Variants in KIRREL3 observed in about 807,000 individuals in gnomAD.
KIRREL3 encodes the protein kin of IRRE-like protein 3.
KIRREL3 carries 36 observed loss-of-function variants against 89.7 expected under a neutral mutation model. The observed-to-expected ratio is 0.40, with a 90% CI of 0.31 to 0.53. The LOEUF is 0.53. KIRREL3 is among the 20% of genes least tolerant of loss of function. The pLI is 0.49. For missense variants in KIRREL3, 864 were observed against 1,056.6 expected, an observed-to-expected ratio of 0.82 and a Z score of 2.53; for synonymous variants, 445 against 441.4, an observed-to-expected ratio of 1.01 and a Z score of -0.10.
chr11:126,567,030 G>A (rs1198561692), intron 1 of KIRREL3, among the ~76,000 whole-genome samples: 3 of 152,192 alleles, frequency 2.0e-5, no homozygotes, highest in Non-Finnish European at 4.4e-5. Context: ...AGCTGCAGAT[G>A]CTGCAAATCA....
chr11:126,746,568 C>A, intron 1 of KIRREL3, among the ~76,000 whole-genome samples: 1 of 152,132 alleles, frequency 6.6e-6, no homozygotes, highest in Non-Finnish European at 1.5e-5. Context: ...CCTCAACCTC[C>A]TTACATTGAC....
rs759020177 is a variant in KIRREL3, at chr11:126,558,065, G to A, written c.133+4770C>T. Among the ~76,000 whole-genome samples the A allele has an allele frequency of 2.0e-5, 3 of 152,168 alleles. No individual in the cohort carries two copies. The highest frequency in any genetic ancestry group is 6.5e-5 in the Admixed American group (1 of 15,280). The stretch of plus-strand genomic sequence containing the variant: ...CATCATTGCAATGCTGAAAGTCCAC[G>A]GAAACCGACACCCACCCTGATGGGC... On this transcript the variant is annotated intron_variant, in intron 2 of 16. Coordinates refer to ENST00000525144, the MANE Select transcript of KIRREL3 (RefSeq NM_032531.4). The surrounding 1 kb of genome is among the most constrained non-coding windows in gnomAD (Gnocchi z 4.0).
chr11:126,556,217 G>A (rs1338145764), intron 2 of KIRREL3, among the ~76,000 whole-genome samples: 2 of 152,200 alleles, frequency 1.3e-5, no homozygotes, highest in Non-Finnish European at 2.9e-5. Context: ...CCAGGGGAGA[G>A]AGGCTGGGGA....
At position 126,970,951 on chromosome 11, in the gene KIRREL3, C is replaced by T. The variant is rs956153765; in HGVS notation, c.55+29504G>A. ...TGGCTTCTCCCCCACCCACCAGTCTCCCTTACAGTAGCTGCGAGGTGCACA... is the reference window on the plus strand; with the variant it reads ...TGGCTTCTCCCCCACCCACCAGTCTTCCTTACAGTAGCTGCGAGGTGCACA... On this transcript the variant is annotated intron_variant, in intron 1 of 16. Transcript: ENST00000525144. The surrounding 1 kb of genome is among the most constrained non-coding windows in gnomAD (Gnocchi z 4.4). Among the ~76,000 whole-genome samples the T allele has an allele frequency of 2.0e-5, 3 of 152,182 alleles. No homozygotes were observed. Among genetic ancestry groups the T allele is most frequent in the Non-Finnish European group, 4.4e-5 (3 of 68,038 alleles).
intron 1 of KIRREL3, among the ~76,000 whole-genome samples, chr11:126,938,397 T>C (rs914320964): frequency 2.0e-5 from 3 of 152,318 alleles, no homozygotes; most frequent in African/African-American, 7.2e-5. Flanking sequence ...AGGCTGAGTG[T>C]TACTATCTCT....
At chr11:126,882,994 C>T (rs181934669) in intron 1 of KIRREL3, among the ~76,000 whole-genome samples, 20 of 152,318 alleles carry the variant, frequency 1.3e-4, no homozygotes, top group Admixed American at 8.5e-4. Flanking sequence ...TGCTGAGCCC[C>T]TCTGCCAGTA....
rs1311161887 is a variant in KIRREL3 at position 126,428,132 on chromosome 11, A to G, written c.1806+1047T>C. Reference sequence around the variant, plus strand: ...ATTTCTTGAGCACTTATTGTGTTCCATGGGCTTCAAGCCCTTCTGAGTTTT... The same window carrying G: ...ATTTCTTGAGCACTTATTGTGTTCCGTGGGCTTCAAGCCCTTCTGAGTTTT... On this transcript the variant is annotated intron_variant, in intron 15 of 16. Transcript: ENST00000525144. This position sits in a 1 kb window ranked among gnomAD's most constrained non-coding sequence, Gnocchi z 6.4. 6.6e-6 allele frequency among the ~76,000 whole-genome samples: 1 copy of G among 152,212 alleles called. No homozygotes were observed. The highest frequency in any genetic ancestry group is 1.5e-5 in the Non-Finnish European group (1 of 68,038).
At position 126,989,071 on chromosome 11, in the gene KIRREL3, T is replaced by C. The variant is rs1482566918; in HGVS notation, c.55+11384A>G. Reference sequence around the variant, plus strand: ...GGTCAAACACCTCGTTGGTATAACATCTTTTAATTTGAGGAGGAGCTCAGT... The same window carrying C: ...GGTCAAACACCTCGTTGGTATAACACCTTTTAATTTGAGGAGGAGCTCAGT... On this transcript the variant is annotated intron_variant, in intron 1 of 16. Transcript: ENST00000525144. The surrounding 1 kb of genome is among the most constrained non-coding windows in gnomAD (Gnocchi z 6.2). Among the ~76,000 whole-genome samples the C allele has an allele frequency of 6.6e-6, 1 of 152,160 alleles. No individual in the cohort carries two copies. Among genetic ancestry groups the C allele is most frequent in the African/African-American group, 2.4e-5 (1 of 41,440 alleles).
rs140648740 is a variant in KIRREL3, at chr11:126,581,522, T to A, written c.56-18610A>T. Among the ~76,000 whole-genome samples the A allele has an allele frequency of 7.9e-5, 12 of 152,338 alleles. No homozygotes were observed. The East Asian group carries it at 2.3e-3, about 29-fold the overall frequency. The stretch of plus-strand genomic sequence containing the variant: ...TGGCCTATATTCAATTTTAAAACTT[T>A]CATTTATTTTTAAAATTGAAACTAA... On this transcript the variant is annotated intron_variant, in intron 1 of 16. Coordinates refer to ENST00000525144, the MANE Select transcript of KIRREL3 (RefSeq NM_032531.4).
At chr11:126,532,682 AT>A (rs1797226542) in intron 2 of KIRREL3, among the ~76,000 whole-genome samples, 1 of 146,828 alleles carries the variant, frequency 6.8e-6, no homozygotes, top group Admixed American at 6.8e-5. Flanking sequence ...GGCCCAGATG[AT>A]CTAAAGGGAG....
chr11:126,659,226 T>C (rs541050848), intron 1 of KIRREL3, among the ~76,000 whole-genome samples: 30 of 152,332 alleles, frequency 2.0e-4, no homozygotes, highest in Admixed American at 1.8e-3. Flanking sequence ...TTTTTTCTCT[T>C]ATTTTAAAAC....
rs1242923110 is a variant in KIRREL3, at chr11:126,906,603, T to C, written c.55+93852A>G. Among the ~76,000 whole-genome samples, 1 of 131,038 alleles carries C rather than the reference T, an allele frequency of 7.6e-6. No individual in the cohort carries two copies. Among genetic ancestry groups the C allele is most frequent in the Non-Finnish European group, 1.7e-5 (1 of 60,032 alleles). 86.0% of individuals were successfully genotyped at this position (131,038 alleles called of 152,430 possible). On this transcript the variant is annotated intron_variant, in intron 1 of 16. Coordinates refer to ENST00000525144, the MANE Select transcript of KIRREL3 (RefSeq NM_032531.4). This position sits in a 1 kb window ranked among gnomAD's most constrained non-coding sequence, Gnocchi z 4.1. ...TTTTTGTTTTTGTTTTTGCTTCAGATCTCCTTTCCTTTCACTGTTTTTTTT... is the reference window on the plus strand; with the variant it reads ...TTTTTGTTTTTGTTTTTGCTTCAGACCTCCTTTCCTTTCACTGTTTTTTTT...
In KIRREL3 at chr11:126,769,708, T is replaced by A. The variant is rs1452082590; in HGVS notation, c.56-206796A>T. 6.6e-6 allele frequency among the ~76,000 whole-genome samples: 1 copy of A among 152,186 alleles called. No homozygotes were observed. The highest frequency in any genetic ancestry group is 1.5e-5 in the Non-Finnish European group (1 of 68,040). ...CAAGCAAGCAGACATTTGTCCTTGG[T>A]GAGCTCACATCTTATAGCTTCCAGG... On this transcript the variant is annotated intron_variant, in intron 1 of 16. Coordinates refer to ENST00000525144, the MANE Select transcript of KIRREL3 (RefSeq NM_032531.4). This position sits in a 1 kb window ranked among gnomAD's most constrained non-coding sequence, Gnocchi z 4.3.
In KIRREL3 at chr11:126,446,796, G is replaced by T; in HGVS notation, c.1088C>A (p.Ser363Tyr). 1 of 1,602,686 alleles carries T rather than the reference G, an allele frequency of 6.2e-7. No individual in the cohort carries two copies. Among genetic ancestry groups the T allele is most frequent in the Non-Finnish European group, 8.5e-7 (1 of 1,174,862 alleles). The change falls in exon 9 of 17, where the codon TCC becomes TAC. Residue 363 changes from serine to tyrosine, a missense_variant. Physicochemically the swap from Ser to Tyr is moderately radical, Grantham distance 144 (BLOSUM62 -2). Coordinates refer to ENST00000525144, the MANE Select transcript of KIRREL3 (RefSeq NM_032531.4). ...CCGCTTCATCCAGACGATGGTCAGG[G>T]ATGGGTTGCCGGTCCAGGCGCAGCT... ...IFSCAWTGNP[S>Y]LTIVWMKRGS...
Position 126,576,137 on chromosome 11 carries a change from T to C in KIRREL3, c.56-13225A>G, listed in dbSNP as rs961352847. 7.2e-5 allele frequency among the ~76,000 whole-genome samples: 11 copies of C among 152,218 alleles called. No homozygotes were observed. Among genetic ancestry groups the C allele is most frequent in the African/African-American group, 2.7e-4 (11 of 41,442 alleles). ...TGATCTACTCTAATGTTCAACAGAT[T>C]AATATTTGATTTAGCACTGTGTGTC... On this transcript the variant is annotated intron_variant, in intron 1 of 16. Coordinates refer to ENST00000525144, the MANE Select transcript of KIRREL3 (RefSeq NM_032531.4). This position sits in a 1 kb window ranked among gnomAD's most constrained non-coding sequence, Gnocchi z 5.4.
intron 10 of KIRREL3, 156 bp from the exon 11 acceptor site, chr11:126,440,705 C>G (rs543961010): frequency 4.3e-6 from 3 of 702,932 alleles, no homozygotes; most frequent in South Asian, 3.2e-5. Flanking sequence ...GTAGAGGACT[C>G]AGAGATAAAT....
At chr11:126,823,656 A>G (rs4280010) in intron 1 of KIRREL3, among the ~76,000 whole-genome samples, 131,736 of 152,206 alleles carry the variant, frequency 0.87, 57,386 homozygotes, top group East Asian at 1. Context: ...ATAAATAGGG[A>G]GAAATCAGTC....
Position 126,931,347 on chromosome 11 carries a change from T to C in KIRREL3, c.55+69108A>G, listed in dbSNP as rs1226372947. On this transcript the variant is annotated intron_variant, in intron 1 of 16. Transcript: ENST00000525144. This position sits in a 1 kb window ranked among gnomAD's most constrained non-coding sequence, Gnocchi z 5.1. ...CTATTACCTGCCTTTCCTCCCTCCC[T>C]CCATACATTCCTTCTTTCCTTCCTT... 2.9e-5 allele frequency among the ~76,000 whole-genome samples: 1 copy of C among 33,942 alleles called. No homozygotes were observed. The highest frequency in any genetic ancestry group is 2.5e-4 in the Admixed American group (1 of 3,964). The allele number at this position is 33,942 out of a possible 152,430, so 22.3% of individuals were successfully genotyped here.
At position 126,601,854 on chromosome 11, in the gene KIRREL3, T is replaced by C. The variant is rs1942671624; in HGVS notation, c.56-38942A>G. 6.6e-6 allele frequency among the ~76,000 whole-genome samples: 1 copy of C among 152,064 alleles called. No homozygotes were observed. On this transcript the variant is annotated intron_variant, in intron 1 of 16. Transcript: ENST00000525144. The surrounding 1 kb of genome is among the most constrained non-coding windows in gnomAD (Gnocchi z 5.8). ...CCGTTTTTAAGGACTGGACTAAAGG[T>C]GGAGGTCTTGGCCTGAGAACCGTGC...
Sources: allele counts gnomAD v4.1 joint callset (sites outside exome capture counted in the v4.1 genomes callset), GRCh38; gene constraint gnomAD v4.1.1; non-coding constraint Gnocchi (gnomAD v3.1); transcripts MANE v1.5; gene names NCBI Gene and HGNC (gene_info 2026-07-23, HGNC 2026-07-21).